HPCAL1: variants seen among roughly 807,000 people sequenced by gnomAD.
HPCAL1 encodes hippocalcin-like protein 1.
HPCAL1 carries 8 observed loss-of-function variants against 17.1 expected under a neutral mutation model. That is an observed-to-expected ratio of 0.47 (90% CI 0.27 to 0.84). The LOEUF (loss-of-function observed/expected upper bound fraction) is 0.84, where lower values mean the gene tolerates loss of function less well. Among genes scored for constraint, HPCAL1 ranks in the 40% least tolerant of loss-of-function variants. The pLI is 0.13. For synonymous variants in HPCAL1, 112 were observed against 111.4 expected, an observed-to-expected ratio of 1.01 and a Z score of -0.03; for missense variants, 165 against 271.1, an observed-to-expected ratio of 0.61 and a Z score of 2.75.
intron 2 of HPCAL1, among the ~76,000 whole-genome samples, chr2:10,416,028 C>T (rs1235009600): frequency 1.3e-5 from 2 of 152,244 alleles, no homozygotes; most frequent in Non-Finnish European, 2.9e-5. Flanking sequence ...TGTCCTTCTG[C>T]CGTCCATCTG....
At chr2:10,381,320 C>T (rs904448476) in intron 1 of HPCAL1, among the ~76,000 whole-genome samples, 4 of 152,370 alleles carry the variant, frequency 2.6e-5, no homozygotes, top group African/African-American at 9.6e-5. Flanking sequence ...CCAGCCAAAG[C>T]TCTGCACAGG....
At position 10,427,170 on chromosome 2, in the gene HPCAL1, A is replaced by C; in HGVS notation, c.*349A>C. On this transcript the variant is annotated 3_prime_UTR_variant, in exon 5 of 5. Coordinates refer to ENST00000307845, the MANE Select transcript of HPCAL1 (RefSeq NM_002149.4). The stretch of plus-strand genomic sequence containing the variant: ...CCCGAGGCTGCGCCCCGGCCGGCCC[A>C]TGCGTTTTGTGATCCCAAGTGACTC... 3.9e-6 allele frequency: 1 copy of C among 256,800 alleles called. No homozygotes were observed. Among genetic ancestry groups the C allele is most frequent in the Admixed American group, 5.1e-5 (1 of 19,588 alleles). 15.9% of individuals were successfully genotyped at this position (256,800 alleles called of 1,614,324 possible). A position where few individuals can be genotyped will look rare whatever the true frequency, so the allele number is the denominator to read the frequency against.
chr2:10,342,848 A>G lies in HPCAL1; in HGVS notation c.-111+39671A>G, dbSNP rs1652466780. On this transcript the variant is annotated intron_variant, in intron 1 of 4. Transcript: ENST00000307845. This position sits in a 1 kb window ranked among gnomAD's most constrained non-coding sequence, Gnocchi z 4.1. ...TCTTCTTCTGTCCATCTCATGGCTG[A>G]AGACCAAGGCTATGGCCTGTGGGTG... Among the ~76,000 whole-genome samples the G allele has an allele frequency of 6.6e-6, 1 of 152,186 alleles. No homozygotes were observed. The highest frequency in any genetic ancestry group is 2.4e-5 in the African/African-American group (1 of 41,454).
chr2:10,352,789 GC>G (rs893510355), intron 1 of HPCAL1, among the ~76,000 whole-genome samples: 1 of 152,316 alleles, frequency 6.6e-6, no homozygotes, highest in Admixed American at 6.5e-5. Flanking sequence ...CTCTGCCCAG[GC>G]CTTCTGAGCA....
At chr2:10,405,022 G>C (rs1669887184) in intron 2 of HPCAL1, among the ~76,000 whole-genome samples, 1 of 152,312 alleles carries the variant, frequency 6.6e-6, no homozygotes, top group Non-Finnish European at 1.5e-5. Flanking sequence ...GCATCTGACT[G>C]GTGCTTTCCA....
chr2:10,356,475 G>A (rs1301225935), intron 1 of HPCAL1, among the ~76,000 whole-genome samples: 1 of 152,094 alleles, frequency 6.6e-6, no homozygotes, highest in Non-Finnish European at 1.5e-5. Flanking sequence ...GAGGGTGGTG[G>A]GGGGCACATC....
At chr2:10,336,800 T>C (rs1664749207) in intron 1 of HPCAL1, among the ~76,000 whole-genome samples, 1 of 152,220 alleles carries the variant, frequency 6.6e-6, no homozygotes, top group Non-Finnish European at 1.5e-5. Flanking sequence ...GCTGCAGTGC[T>C]CTGGTGCTAT....
In HPCAL1 at chr2:10,395,412, A is replaced by G. The variant is rs973279747; in HGVS notation, c.-110-1423A>G. On this transcript the variant is annotated intron_variant, in intron 1 of 4. Coordinates refer to ENST00000307845, the MANE Select transcript of HPCAL1 (RefSeq NM_002149.4). This position sits in a 1 kb window ranked among gnomAD's most constrained non-coding sequence, Gnocchi z 4.4. ...CCTGCTGTGTCCAGGCTCTGGACGC[A>G]TAGACGTGAAACGGACGATTTCCTG... Among the ~76,000 whole-genome samples, 1 of 150,152 alleles carries G rather than the reference A, an allele frequency of 6.7e-6. No homozygotes were observed. Among genetic ancestry groups the G allele is most frequent in the African/African-American group, 2.4e-5 (1 of 41,082 alleles).
intron 1 of HPCAL1, among the ~76,000 whole-genome samples, chr2:10,322,113 C>T (rs537754064): frequency 6.6e-6 from 1 of 152,174 alleles, no homozygotes; most frequent in Non-Finnish European, 1.5e-5. Flanking sequence ...GCCTGCAACT[C>T]TATGGATTAC....
intron 1 of HPCAL1, among the ~76,000 whole-genome samples, chr2:10,328,077 G>T (rs1414523050): frequency 6.6e-6 from 1 of 152,192 alleles, no homozygotes; most frequent in African/African-American, 2.4e-5. Context: ...TATGTGATGC[G>T]GAAAGACAGC....
chr2:10,304,539 G>T lies in HPCAL1; in HGVS notation c.-111+1362G>T, dbSNP rs978413102. Among the ~76,000 whole-genome samples, 1 of 152,156 alleles carries T rather than the reference G, an allele frequency of 6.6e-6. No individual in the cohort carries two copies. The highest frequency in any genetic ancestry group is 1.5e-5 in the Non-Finnish European group (1 of 68,038). On this transcript the variant is annotated intron_variant, in intron 1 of 4. Transcript: ENST00000307845. The surrounding 1 kb of genome is among the most constrained non-coding windows in gnomAD (Gnocchi z 4.1). ...CCTTGCAGCCAGCCTCATGCCGGGG[G>T]TGCCACATGGGACACCTCCTCCTAG...
In HPCAL1 at chr2:10,308,340, A is replaced by G. The variant is rs115654691; in HGVS notation, c.-111+5163A>G. ...GTTTAATGATTTTCAGTAAATTAAT[A>G]GAGTTCATAGCCATTACCACAATCC... On this transcript the variant is annotated intron_variant, in intron 1 of 4. Coordinates refer to ENST00000307845, the MANE Select transcript of HPCAL1 (RefSeq NM_002149.4). 9.7e-3 allele frequency among the ~76,000 whole-genome samples: 1,476 copies of G among 152,330 alleles called. 22 individuals are homozygous for G. Among genetic ancestry groups the G allele is most frequent in the African/African-American group, 0.034 (1,404 of 41,558 alleles).
Position 10,310,635 on chromosome 2 carries a change from A to C in HPCAL1, c.-111+7458A>C, listed in dbSNP as rs1330911642. On this transcript the variant is annotated intron_variant, in intron 1 of 4. Transcript: ENST00000307845. The surrounding 1 kb of genome is among the most constrained non-coding windows in gnomAD (Gnocchi z 4.5). Reference sequence around the variant, plus strand: ...CTGAGCTTGGTGGTGGGGGTTGCACAGAGAGAGCTGCAGGTTGTTCCTCAG... The same window carrying C: ...CTGAGCTTGGTGGTGGGGGTTGCACCGAGAGAGCTGCAGGTTGTTCCTCAG... 6.6e-6 allele frequency among the ~76,000 whole-genome samples: 1 copy of C among 152,158 alleles called. No individual in the cohort carries two copies. The highest frequency in any genetic ancestry group is 1.5e-5 in the Non-Finnish European group (1 of 68,032).
chr2:10,410,436 C>CTTTTTTTTTTTTTTTTTTTTTTTTTTTT (rs36002921), intron 2 of HPCAL1, among the ~76,000 whole-genome samples: 1 of 77,496 alleles, frequency 1.3e-5, no homozygotes, highest in Non-Finnish European at 2.3e-5. Flanking sequence ...TCTTCTTCTT[C>CTTTTTTTTTTTTTTTTTTTTTTTTTTTT]TTTTTTTTTT....
At chr2:10,385,693 G>C (rs1304852945) in intron 1 of HPCAL1, among the ~76,000 whole-genome samples, 2 of 152,190 alleles carry the variant, frequency 1.3e-5, no homozygotes, top group Non-Finnish European at 2.9e-5. Context: ...GTGGCGCGAC[G>C]GCTGCTGTGG....
chr2:10,320,362 C>T (rs1330988266), intron 1 of HPCAL1, among the ~76,000 whole-genome samples: 1 of 152,102 alleles, frequency 6.6e-6, no homozygotes, highest in Non-Finnish European at 1.5e-5. Flanking sequence ...CAGAGTTCCT[C>T]TTGCTGTTCT....
intron 1 of HPCAL1, among the ~76,000 whole-genome samples, chr2:10,366,104 C>A (rs570429960): frequency 1.2e-4 from 19 of 152,320 alleles, no homozygotes; most frequent in Admixed American, 1.1e-3. Context: ...ATTCCCTGGG[C>A]CCTGTCTGGT....
At chr2:10,324,873 A>G (rs1572639139) in intron 1 of HPCAL1, among the ~76,000 whole-genome samples, 1 of 116,266 alleles carries the variant, frequency 8.6e-6, no homozygotes. Context: ...CCCAGGCTGG[A>G]GTGCAGTGGC....
intron 2 of HPCAL1, among the ~76,000 whole-genome samples, chr2:10,415,268 C>A (rs1670590031): frequency 2.0e-5 from 3 of 152,136 alleles, no homozygotes; most frequent in Admixed American, 1.3e-4. Context: ...CAACCTGCTG[C>A]AGCTGCTTGT....
Sources: gnomAD v4.1 joint callset for allele counts (sites outside exome capture counted in the v4.1 genomes callset) on GRCh38, gnomAD v4.1.1 for gene constraint, Gnocchi (gnomAD v3.1) non-coding constraint, MANE v1.5 for transcripts, NCBI Gene and HGNC (gene_info 2026-07-23, HGNC 2026-07-21) for gene names.